Variants in KHDRBS2 observed in about 807,000 individuals in gnomAD.
The protein encoded by KHDRBS2 is KH RNA binding domain containing, signal transduction associated 2.
A neutral mutation model predicts 44.3 loss-of-function variants in KHDRBS2; 26 were observed. The observed-to-expected ratio is 0.59, with a 90% CI of 0.43 to 0.81. The LOEUF is 0.81. KHDRBS2 is among the 40% of genes least tolerant of loss of function. The pLI is 0.00. For missense variants in KHDRBS2, 476 were observed against 433.1 expected, an observed-to-expected ratio of 1.10 and a Z score of -0.88; for synonymous variants, 194 against 151.1, an observed-to-expected ratio of 1.28 and a Z score of -2.08.
At chr6:62,048,057 GA>G (rs1377823204) in intron 2 of KHDRBS2, 63 bp from the exon 3 acceptor site, 11 of 955,120 alleles carry the variant, frequency 1.2e-5, no homozygotes, top group Admixed American at 8.6e-5. Flanking sequence ...TTTGCACCAA[GA>G]GTAATTGATA....
At chr6:61,625,525 G>A in the KHDRBS2 span, among the ~76,000 whole-genome samples, 1 of 151,876 alleles carries the variant, frequency 6.6e-6, no homozygotes, top group African/African-American at 2.4e-5. Flanking sequence ...TTCCTGGGCT[G>A]TCCCTAGCCC....
chr6:61,585,667 A>T, the KHDRBS2 span, among the ~76,000 whole-genome samples: 2 of 152,006 alleles, frequency 1.3e-5, no homozygotes, highest in Non-Finnish European at 2.9e-5. Context: ...TTATGGTAAA[A>T]TTTTTTATTT....
intron 2 of KHDRBS2, among the ~76,000 whole-genome samples, chr6:62,106,762 T>A (rs1201714200): frequency 6.6e-6 from 1 of 152,154 alleles, no homozygotes; most frequent in Non-Finnish European, 1.5e-5. Context: ...GTGGGCTTCA[T>A]CCCTGGGATG....
At chr6:61,725,783 G>C (rs1343140172) in intron 7 of KHDRBS2, among the ~76,000 whole-genome samples, 1 of 152,042 alleles carries the variant, frequency 6.6e-6, no homozygotes, top group Non-Finnish European at 1.5e-5. Flanking sequence ...AACGAGTTCT[G>C]AAATTGAGGC....
the KHDRBS2 span, among the ~76,000 whole-genome samples, chr6:61,601,080 C>T: frequency 6.6e-6 from 1 of 152,166 alleles, no homozygotes; most frequent in Non-Finnish European, 1.5e-5. Flanking sequence ...GTCATTCACC[C>T]ACATTCCCTT....
At chr6:61,637,170 C>T in the KHDRBS2 span, among the ~76,000 whole-genome samples, 4 of 152,012 alleles carry the variant, frequency 2.6e-5, no homozygotes, top group African/African-American at 9.7e-5. Context: ...TCTCCCAATG[C>T]TATCCCACCC....
At chr6:61,708,053 A>T (rs895191274) in intron 7 of KHDRBS2, among the ~76,000 whole-genome samples, 18 of 151,682 alleles carry the variant, frequency 1.2e-4, no homozygotes, top group African/African-American at 3.9e-4. Context: ...TTTTTCATTC[A>T]AGATTTTTTC....
At chr6:61,601,623 A>T in the KHDRBS2 span, among the ~76,000 whole-genome samples, 4 of 151,950 alleles carry the variant, frequency 2.6e-5, no homozygotes, top group Admixed American at 6.6e-5. Context: ...AATGCAACTC[A>T]TCCCAAATCC....
chr6:61,837,305 T>G (rs1349292000), intron 6 of KHDRBS2, among the ~76,000 whole-genome samples: 4 of 152,036 alleles, frequency 2.6e-5, no homozygotes, highest in Non-Finnish European at 5.9e-5. Flanking sequence ...ATCCTGAATA[T>G]GAATGATTTT....
chr6:61,800,876 G>A (rs1786147703), intron 6 of KHDRBS2, among the ~76,000 whole-genome samples: 1 of 152,066 alleles, frequency 6.6e-6, no homozygotes, highest in African/African-American at 2.4e-5. Context: ...CTATGACTAA[G>A]GCCCTCCTTC....
chr6:62,120,720 ATAATT>A (rs1184559378), intron 2 of KHDRBS2, among the ~76,000 whole-genome samples: 2 of 152,184 alleles, frequency 1.3e-5, no homozygotes, highest in African/African-American at 4.8e-5. Context: ...GGACAAATGA[ATAATT>A]TAAATTATAA....
At chr6:62,261,383 C>A (rs1838311950) in intron 1 of KHDRBS2, among the ~76,000 whole-genome samples, 1 of 151,792 alleles carries the variant, frequency 6.6e-6, no homozygotes, top group South Asian at 2.1e-4. Flanking sequence ...TTGACAGAAG[C>A]CCACCTGTCT....
At position 61,922,107 on chromosome 6, in the gene KHDRBS2, T is replaced by C. The variant is rs78425288; in HGVS notation, c.484-20736A>G. Among the ~76,000 whole-genome samples, 242 of 152,186 alleles carry C rather than the reference T, an allele frequency of 1.6e-3. 7 individuals are homozygous for C. The South Asian group carries it at 0.046, about 29-fold the overall frequency. On this transcript the variant is annotated intron_variant, in intron 4 of 8. Coordinates refer to ENST00000281156, the MANE Select transcript of KHDRBS2 (RefSeq NM_152688.4). The stretch of plus-strand genomic sequence containing the variant: ...AATTGCTTATCTATATTGAAATATT[T>C]ATAATTTCTAAAAATCTATTTGTAG...
chr6:62,285,136 T>A (rs535112115), intron 1 of KHDRBS2, among the ~76,000 whole-genome samples: 8 of 152,248 alleles, frequency 5.3e-5, no homozygotes, highest in Admixed American at 5.2e-4. Flanking sequence ...AAAAAACCTT[T>A]CAAAGCAATG....
At chr6:61,752,691 A>G (rs1777888265) in intron 6 of KHDRBS2, among the ~76,000 whole-genome samples, 1 of 151,030 alleles carries the variant, frequency 6.6e-6, no homozygotes, top group African/African-American at 2.4e-5. Context: ...AAAAAAAAAA[A>G]AAGAACAAAA....
At chr6:61,760,506 G>GC (rs1403185037) in intron 6 of KHDRBS2, among the ~76,000 whole-genome samples, 1 of 152,000 alleles carries the variant, frequency 6.6e-6, no homozygotes, top group African/African-American at 2.4e-5. Flanking sequence ...GGTGGCATGT[G>GC]CCTGTAGTCC....
intron 3 of KHDRBS2, among the ~76,000 whole-genome samples, chr6:61,991,834 A>G (rs1248118527): frequency 2.0e-5 from 3 of 152,210 alleles, no homozygotes; most frequent in Non-Finnish European, 2.9e-5. Flanking sequence ...CAACACAACG[A>G]AAGACTACAA....
intron 2 of KHDRBS2, among the ~76,000 whole-genome samples, chr6:62,080,638 T>C (rs1797208821): frequency 6.6e-6 from 1 of 152,144 alleles, no homozygotes; most frequent in Non-Finnish European, 1.5e-5. Context: ...ATTATTGTTC[T>C]AGATCATCTC....
At chr6:62,176,339 C>T (rs1342579466) in intron 2 of KHDRBS2, among the ~76,000 whole-genome samples, 1 of 151,144 alleles carries the variant, frequency 6.6e-6, no homozygotes, top group Non-Finnish European at 1.5e-5. Context: ...CAATTTTATC[C>T]CTGTTTGAAA....
Sources: allele counts gnomAD v4.1 joint callset (sites outside exome capture counted in the v4.1 genomes callset), GRCh38; gene constraint gnomAD v4.1.1; transcripts MANE v1.5; gene names NCBI Gene and HGNC (gene_info 2026-07-23, HGNC 2026-07-21).